The following EXT1 variants were observed in gnomAD, a reference collection of about 807,000 sequenced individuals.
EXT1 encodes the protein exostosin glycosyltransferase 1.
In EXT1, 20 loss-of-function variants were observed where a neutral mutation model predicts 82.5. The ratio of observed to expected loss-of-function variants is 0.24; its 90% confidence interval spans 0.17 to 0.35. The LOEUF (loss-of-function observed/expected upper bound fraction) is 0.35, where lower values mean the gene tolerates loss of function less well. EXT1 is among the 10% of genes least tolerant of loss of function. The pLI, the probability that EXT1 is intolerant of heterozygous loss-of-function variation, is 1.00. For missense variants in EXT1, 757 were observed against 936.5 expected (o/e 0.81, Z 2.50); for synonymous variants, 348 against 350.8 (o/e 0.99, Z 0.09).
chr8:117,850,395 A>C (rs1461388614), intron 1 of EXT1, among the ~76,000 whole-genome samples: 1 of 152,208 alleles, frequency 6.6e-6, no homozygotes, highest in African/African-American at 2.4e-5. Context: ...ATTTAGGGAT[A>C]ATCTTTATGG....
chr8:117,916,316 C>T (rs564908393), intron 1 of EXT1, among the ~76,000 whole-genome samples: 1 of 152,266 alleles, frequency 6.6e-6, no homozygotes, highest in Non-Finnish European at 1.5e-5. Flanking sequence ...ATCTAGAGTG[C>T]ATTTTTAGGT....
intron 1 of EXT1, among the ~76,000 whole-genome samples, chr8:118,058,546 T>C (rs1816831269): frequency 6.6e-6 from 1 of 152,192 alleles, no homozygotes; most frequent in African/African-American, 2.4e-5. Flanking sequence ...CATCTAAGAC[T>C]GTTTGGAGTT....
At chr8:117,835,924 T>C (rs1198715916) in intron 2 of EXT1, among the ~76,000 whole-genome samples, 2 of 152,180 alleles carry the variant, frequency 1.3e-5, no homozygotes, top group Non-Finnish European at 2.9e-5. Flanking sequence ...ATAAACAGTC[T>C]GGTCAACGTA....
chr8:117,807,457 T>C, intron 8 of EXT1, 80 bp from the exon 9 acceptor site: 1 of 1,517,850 alleles, frequency 6.6e-7, no homozygotes, highest in East Asian at 2.3e-5. Context: ...CCCCACTAAT[T>C]CATAATGCAA....
chr8:117,838,143 G>C (rs112433897), intron 1 of EXT1, among the ~76,000 whole-genome samples: 3,312 of 152,270 alleles, frequency 0.022, 126 homozygotes, highest in African/African-American at 0.074. Flanking sequence ...GGAAAGTAGA[G>C]ATGGCTCATG....
intron 1 of EXT1, among the ~76,000 whole-genome samples, chr8:118,071,760 C>T (rs902116294): frequency 3.3e-5 from 5 of 152,226 alleles, no homozygotes; most frequent in East Asian, 1.9e-4. Flanking sequence ...AGAAACGTTC[C>T]TTTTCTGTCC....
At chr8:117,947,725 T>C (rs1270470757) in intron 1 of EXT1, among the ~76,000 whole-genome samples, 2 of 152,222 alleles carry the variant, frequency 1.3e-5, no homozygotes, top group Non-Finnish European at 1.5e-5. Flanking sequence ...AAGGAAGTGA[T>C]AGCCTTAATT....
chr8:118,002,118 C>T (rs1815678647), intron 1 of EXT1, among the ~76,000 whole-genome samples: 1 of 151,696 alleles, frequency 6.6e-6, no homozygotes, highest in African/African-American at 2.4e-5. Context: ...GAATATATAC[C>T]ATTTTTAGCA....
chr8:118,000,724 T>C (rs903412212), intron 1 of EXT1, among the ~76,000 whole-genome samples: 6 of 152,208 alleles, frequency 3.9e-5, no homozygotes, highest in African/African-American at 1.4e-4. Context: ...AATGTCTTCT[T>C]GCAATTCCCT....
At chr8:118,035,290 G>A (rs1041298913) in intron 1 of EXT1, among the ~76,000 whole-genome samples, 1 of 152,048 alleles carries the variant, frequency 6.6e-6, no homozygotes, top group Non-Finnish European at 1.5e-5. Context: ...CTCCAGAGTC[G>A]GTGTGCGGTA....
intron 3 of EXT1, among the ~76,000 whole-genome samples, chr8:117,835,211 C>T (rs1812169577): frequency 6.6e-6 from 1 of 152,150 alleles, no homozygotes; most frequent in Non-Finnish European, 1.5e-5. Context: ...AATCAAAGCT[C>T]CCATTCTTTA....
chr8:117,812,914 G>T lies in EXT1; in HGVS notation c.1680C>A (p.Ala560=), dbSNP rs540101738. Residue 560 remains alanine (A), a synonymous_variant, in exon 8 of 11, where the codon GCC becomes GCA. Coordinates refer to ENST00000378204, the MANE Select transcript of EXT1 (RefSeq NM_000127.3). ...CCGTGTCCTCGTCAAGGCTGAGCAC[G>T]GCGTCTGTGATGATGTTGTCGTAGG... ...FLPYDNIITD[A]VLSLDEDTVL... The T allele has an allele frequency of 6.2e-7, 1 of 1,613,900 alleles. No homozygotes were observed. Among genetic ancestry groups the T allele is most frequent in the African/African-American group, 1.3e-5 (1 of 74,898 alleles).
chr8:118,072,205 AGACCAGTTCCCT>A (rs1817108153), intron 1 of EXT1, among the ~76,000 whole-genome samples: 1 of 152,226 alleles, frequency 6.6e-6, no homozygotes. Flanking sequence ...TAAAGCTCTT[AGACCAGTTCCCT>A]GACCTACAGT....
In EXT1 at chr8:117,798,337, C is replaced by T. The variant is rs1823114479; in HGVS notation, c.*1375G>A. 6.6e-6 allele frequency: 1 copy of T among 152,076 alleles called. No individual in the cohort carries two copies. Among genetic ancestry groups the T allele is most frequent in the Non-Finnish European group, 1.5e-5 (1 of 68,016 alleles). The allele number at this position is 152,076 out of a possible 1,614,324, so 9.4% of individuals were successfully genotyped here. On this transcript the variant is annotated 3_prime_UTR_variant, in exon 11 of 11. Transcript: ENST00000378204. Reference sequence around the variant, plus strand: ...TCTTTCTCTTCCCTGTTTTCTCTGGCCTCTTCCAAGTAGAAGAAAGCATTT... The same window carrying T: ...TCTTTCTCTTCCCTGTTTTCTCTGGTCTCTTCCAAGTAGAAGAAAGCATTT...
chr8:118,011,567 G>C (rs749309724), intron 1 of EXT1, among the ~76,000 whole-genome samples: 3 of 152,024 alleles, frequency 2.0e-5, no homozygotes, highest in Non-Finnish European at 4.4e-5. Flanking sequence ...CTCTGAGGTC[G>C]GCATGACTAA....
chr8:117,803,530 C>T (rs1563872629), intron 10 of EXT1, among the ~76,000 whole-genome samples: 2 of 152,046 alleles, frequency 1.3e-5, no homozygotes, highest in Admixed American at 6.5e-5. Context: ...AGTAGGGGCT[C>T]TGCTCAAGAT....
intron 1 of EXT1, among the ~76,000 whole-genome samples, chr8:118,051,243 G>A (rs1166645834): frequency 6.6e-6 from 1 of 152,042 alleles, no homozygotes; most frequent in Admixed American, 6.6e-5. Context: ...AGGCTGAGAG[G>A]CGGGTGGATC....
In EXT1 at chr8:117,799,612, G is replaced by A; in HGVS notation, c.*100C>T. On this transcript the variant is annotated 3_prime_UTR_variant, in exon 11 of 11. Coordinates refer to ENST00000378204, the MANE Select transcript of EXT1 (RefSeq NM_000127.3). ...GCTCATCTAAGTTTTTGGATAGTTG[G>A]CACAATCTGGCTCTGCTGATGAGTG... is the stretch of plus-strand genomic sequence containing the variant. 1 of 1,388,576 alleles carries A rather than the reference G, an allele frequency of 7.2e-7. No homozygotes were observed. Among genetic ancestry groups the A allele is most frequent in the Non-Finnish European group, 1.0e-6 (1 of 981,982 alleles). The allele number at this position is 1,388,576 out of a possible 1,614,324, so 86.0% of individuals were successfully genotyped here. A position where few individuals can be genotyped will look rare whatever the true frequency, so the allele number is the denominator to read the frequency against.
At position 117,799,042 on chromosome 8, in the gene EXT1, CATA is replaced by C. The variant is rs1001321349; in HGVS notation, c.*667_*669del. On this transcript the variant is annotated 3_prime_UTR_variant, in exon 11 of 11. Transcript: ENST00000378204. ...CACCCCCCCAATGAAAAACGATTAT[CATA>C]TATATCTATCTCAAACATAGAGATT... is the stretch of plus-strand genomic sequence containing the variant. 4 of 136,656 alleles carry C rather than the reference CATA, an allele frequency of 2.9e-5. No homozygotes were observed. Among genetic ancestry groups the C allele is most frequent in the Admixed American group, 7.5e-5 (1 of 13,292 alleles). 8.5% of individuals were successfully genotyped at this position (136,656 alleles called of 1,614,324 possible).
Sources: allele counts gnomAD v4.1 joint callset (sites outside exome capture counted in the v4.1 genomes callset), GRCh38; gene constraint gnomAD v4.1.1; transcripts MANE v1.5; gene names NCBI Gene and HGNC (gene_info 2026-07-23, HGNC 2026-07-21).